The following BIRC6 variants were observed in gnomAD, a reference collection of about 807,000 sequenced individuals.
The protein encoded by BIRC6 is baculoviral IAP repeat containing 6.
In BIRC6, 98 loss-of-function variants were observed where a neutral mutation model predicts 503.3. The ratio of observed to expected loss-of-function variants is 0.19; its 90% CI spans 0.17 to 0.23. BIRC6 has a LOEUF of 0.23. BIRC6 is among the 10% of genes least tolerant of loss of function. The probability of loss-of-function intolerance (pLI) is 1.00; values close to 1 mark genes in which losing one functional copy is unlikely to be tolerated. For synonymous variants in BIRC6, 2,240 were observed against 2,078.7 expected (o/e 1.08, Z -2.11); for missense variants, 5,360 against 5,806.0 (o/e 0.92, Z 2.50).
At chr2:32,448,495 C>G (rs28479569) in intron 21 of BIRC6, among the ~76,000 whole-genome samples, 7 of 152,026 alleles carry the variant, frequency 4.6e-5, no homozygotes, top group Admixed American at 4.6e-4. Flanking sequence ...CCAAAAAAAA[C>G]CGAAAACCAG....
chr2:32,449,541 C>G (rs2046451831), intron 22 of BIRC6, among the ~76,000 whole-genome samples: 1 of 151,968 alleles, frequency 6.6e-6, no homozygotes, highest in South Asian at 2.1e-4. Flanking sequence ...TTTCTTCCGT[C>G]TAATTGTACT....
intron 1 of BIRC6, among the ~76,000 whole-genome samples, chr2:32,374,902 G>A (rs1002201795): frequency 6.6e-6 from 1 of 152,080 alleles, no homozygotes; most frequent in Non-Finnish European, 1.5e-5. Flanking sequence ...CCATGCTGAC[G>A]CCACCTGGGA....
chr2:32,412,607 G>A (rs1263644903), intron 9 of BIRC6, among the ~76,000 whole-genome samples: 1 of 151,792 alleles, frequency 6.6e-6, no homozygotes, highest in Non-Finnish European at 1.5e-5. Flanking sequence ...AGAAGACACT[G>A]AATGTTTCAC....
At position 32,401,531 on chromosome 2, in the gene BIRC6, C is replaced by T; in HGVS notation, c.1326C>T (p.Asp442=). 2 of 1,613,902 alleles carry T rather than the reference C, an allele frequency of 1.2e-6. No homozygotes were observed. Among genetic ancestry groups the T allele is most frequent in the Admixed American group, 1.7e-5 (1 of 60,016 alleles). Residue 442 remains aspartate, a synonymous_variant, in exon 8 of 74, where the codon GAC becomes GAT. Coordinates refer to ENST00000421745, the MANE Select transcript of BIRC6 (RefSeq NM_016252.4). ...AIVQQLILSG[D]PSSGVDSRRP... ...TACAACAGCTTATTCTATCAGGAGA[C>T]CCAAGCTCAGGAGTTGATTCAAGGA...
rs2052906920 is a variant in BIRC6 at position 32,499,559 on chromosome 2, G to C, written c.8481G>C (p.Gln2827His). ...HILSTERGAF[Q>H]TGQGPLDAQV... is the part of the protein sequence containing the mutation. ...TCTCTCTCTGCAGGGGTGCTTTCCA[G>C]ACAGGCCAAGGACCTCTCGATGCCC... Residue 2827 changes from glutamine to histidine, a missense_variant, in exon 46 of 74, where the codon CAG (glutamine) becomes CAC (histidine). This residue lies in a region of BIRC6 where 2,299 missense variants were observed against 2,267.2 expected (regional missense o/e 1.01). Transcript: ENST00000421745. 2 of 1,605,000 alleles carry C rather than the reference G, an allele frequency of 1.2e-6. No homozygotes were observed. The highest frequency in any genetic ancestry group is 8.5e-7 in the Non-Finnish European group (1 of 1,175,548).
At position 32,440,751 on chromosome 2, in the gene BIRC6, T is replaced by TTTATTA. The variant is rs769945864; in HGVS notation, c.3811-554_3811-549dup. 2.0e-3 allele frequency among the ~76,000 whole-genome samples: 291 copies of TTTATTA among 147,176 alleles called. 1 individual carries two copies. The highest frequency in any genetic ancestry group is 4.3e-3 in the African/African-American group (172 of 39,548). ...TATTTTATTTTATTGTGTTTATTTATTTATTATTATTATTATTATTATTAT... is the reference window on the plus strand; with the variant it reads ...TATTTTATTTTATTGTGTTTATTTATTTATTATTATTATTATTATTATTATTATTAT... On this transcript the variant is annotated intron_variant, in intron 16 of 73. Coordinates refer to ENST00000421745, the MANE Select transcript of BIRC6 (RefSeq NM_016252.4).
rs1299687558 is a variant in BIRC6, at chr2:32,476,303, C to T, written c.6811C>T (p.Leu2271Phe). The T allele has an allele frequency of 6.4e-7, 1 of 1,574,060 alleles. No individual in the cohort carries two copies. The change falls in exon 34 of 74, where the codon CTC becomes TTC. Residue 2271 changes from leucine to phenylalanine, a missense_variant. Coordinates refer to ENST00000421745, the MANE Select transcript of BIRC6 (RefSeq NM_016252.4). ...AAGTAACAAAGGATCATCATATAAACTCCTGGTAGAACAAGCAAAACTAAA... is the reference window on the plus strand; with the variant it reads ...AAGTAACAAAGGATCATCATATAAATTCCTGGTAGAACAAGCAAAACTAAA... Reference protein sequence around the residue: ...IQSNKGSSYKLLVEQAKLKQA... With the variant: ...IQSNKGSSYKFLVEQAKLKQA...
At chr2:32,472,882 C>A in intron 32 of BIRC6, 1 of 344,020 alleles carries the variant, frequency 2.9e-6, no homozygotes, top group Admixed American at 4.7e-5. Flanking sequence ...AGATTGGAGA[C>A]AGAGGGAACT....
chr2:32,400,222 T>A (rs1255440899), intron 6 of BIRC6, among the ~76,000 whole-genome samples: 2 of 152,140 alleles, frequency 1.3e-5, no homozygotes, highest in Admixed American at 6.6e-5. Context: ...AGGAAATAAA[T>A]TTTATTTAAA....
chr2:32,416,225 G>T, intron 10 of BIRC6, 62 bp downstream of exon 10: 1 of 1,442,772 alleles, frequency 6.9e-7, no homozygotes, highest in Non-Finnish European at 9.3e-7. Flanking sequence ...ATTTGTTTAT[G>T]TGCAAACCTA....
rs551608383 is a variant in BIRC6 at position 32,382,911 on chromosome 2, A to G, written c.645+2621A>G. ...GCTACTTTTTGCATTTTTAATAGAC[A>G]TGGGGTTTCACTATGTTGGTCAGGC... is the stretch of plus-strand genomic sequence containing the variant. On this transcript the variant is annotated intron_variant, in intron 3 of 73. Coordinates refer to ENST00000421745, the MANE Select transcript of BIRC6 (RefSeq NM_016252.4). 9.2e-5 allele frequency among the ~76,000 whole-genome samples: 14 copies of G among 151,794 alleles called. No homozygotes were observed. The South Asian group carries it at 2.5e-3, about 27-fold the overall frequency.
At chr2:32,485,198 T>G (rs749905449) in intron 39 of BIRC6, among the ~76,000 whole-genome samples, 1 of 152,226 alleles carries the variant, frequency 6.6e-6, no homozygotes, top group Non-Finnish European at 1.5e-5. Flanking sequence ...GAGTATGTGT[T>G]TGTGTGTGCG....
chr2:32,468,138 T>G (rs781643304), intron 28 of BIRC6, 27 bp downstream of exon 28: 2 of 1,587,900 alleles, frequency 1.3e-6, no homozygotes, highest in Admixed American at 3.4e-5. Context: ...AATTTTAATG[T>G]TATTGAAACT....
intron 39 of BIRC6, among the ~76,000 whole-genome samples, chr2:32,484,478 G>A (rs1017060341): frequency 2.6e-5 from 4 of 151,292 alleles, no homozygotes; most frequent in Non-Finnish European, 5.9e-5. Flanking sequence ...CTATAACCCT[G>A]GGGCAGAGGT....
At chr2:32,487,839 A>G (rs1434991124) in intron 41 of BIRC6, 38 bp downstream of exon 41, 2 of 1,529,504 alleles carry the variant, frequency 1.3e-6, no homozygotes, top group African/African-American at 1.4e-5. Flanking sequence ...TTTACATATT[A>G]TTGTTAGCCT....
At chr2:32,494,616 A>G (rs540764988) in intron 45 of BIRC6, among the ~76,000 whole-genome samples, 23 of 151,642 alleles carry the variant, frequency 1.5e-4, no homozygotes, top group African/African-American at 5.3e-4. Context: ...AATATAAGGA[A>G]TAGGGCTGGG....
chr2:32,554,838 T>A (rs1231155182), intron 65 of BIRC6, among the ~76,000 whole-genome samples: 1 of 152,136 alleles, frequency 6.6e-6, no homozygotes, highest in Non-Finnish European at 1.5e-5. Flanking sequence ...AGGTTAATTC[T>A]GTTGTCACGA....
chr2:32,419,305 CTT>C (rs961964628), intron 10 of BIRC6, among the ~76,000 whole-genome samples: 2 of 151,988 alleles, frequency 1.3e-5, no homozygotes, highest in Non-Finnish European at 1.5e-5. Flanking sequence ...AGAATCAAGT[CTT>C]TTCATAAAAA....
chr2:32,454,479 A>AT (rs11441657), intron 23 of BIRC6, among the ~76,000 whole-genome samples: 76,661 of 150,258 alleles, frequency 0.51, 19,717 homozygotes, highest in Middle Eastern at 0.57. Context: ...GTTTTCTGTG[A>AT]TTTTTTTTTT....
Sources: allele counts gnomAD v4.1 joint callset (sites outside exome capture counted in the v4.1 genomes callset), GRCh38; gene constraint gnomAD v4.1.1; regional missense constraint gnomAD v4.1.1; transcripts MANE v1.5; gene names NCBI Gene and HGNC (gene_info 2026-07-23, HGNC 2026-07-21).